Variants in ARHGEF3 observed in about 807,000 individuals in gnomAD.
The protein encoded by ARHGEF3 is 59.8 kDA protein.
ARHGEF3 carries 28 observed loss-of-function variants against 63.2 expected under a neutral mutation model. The ratio of observed to expected loss-of-function variants is 0.44; its 90% CI spans 0.33 to 0.61. The LOEUF (loss-of-function observed/expected upper bound fraction) is 0.61, where lower values mean the gene tolerates loss of function less well. ARHGEF3 is among the 20% of genes least tolerant of loss of function. The pLI, the probability that ARHGEF3 is intolerant of heterozygous loss-of-function variation, is 0.03. For missense variants in ARHGEF3, 533 were observed against 659.3 expected, an observed-to-expected ratio of 0.81 and a Z score of 2.10; for synonymous variants, 266 against 254.2, an observed-to-expected ratio of 1.05 and a Z score of -0.44.
chr3:57,052,061 T>A (rs889605179), intron 1 of ARHGEF3, among the ~76,000 whole-genome samples: 7 of 152,188 alleles, frequency 4.6e-5, no homozygotes, highest in Admixed American at 3.3e-4. Flanking sequence ...ATGGTAATTA[T>A]CACACTAAAG....
At chr3:56,945,633 G>A (rs561061574) in intron 3 of ARHGEF3, among the ~76,000 whole-genome samples, 1 of 152,356 alleles carries the variant, frequency 6.6e-6, no homozygotes, top group East Asian at 1.9e-4. Flanking sequence ...CAGCCAGGAA[G>A]CTCGAACTGG....
chr3:56,989,922 A>G (rs1701685570), intron 2 of ARHGEF3, among the ~76,000 whole-genome samples: 2 of 152,218 alleles, frequency 1.3e-5, no homozygotes, highest in Non-Finnish European at 2.9e-5. Context: ...CCAAAGGTCC[A>G]CTAACTGCCA....
chr3:56,832,337 T>C (rs1161524825), intron 4 of ARHGEF3, among the ~76,000 whole-genome samples: 1 of 152,232 alleles, frequency 6.6e-6, no homozygotes, highest in Non-Finnish European at 1.5e-5. Context: ...TTAAAAAATA[T>C]ATGTAAGTAG....
chr3:57,076,450 T>TG (rs1015268780), intron 1 of ARHGEF3, among the ~76,000 whole-genome samples: 1 of 152,128 alleles, frequency 6.6e-6, no homozygotes, highest in African/African-American at 2.4e-5. Flanking sequence ...AATGATAGCA[T>TG]GCAGGAGGCC....
chr3:56,788,172 G>A (rs2036914788), intron 1 of ARHGEF3, among the ~76,000 whole-genome samples: 1 of 152,150 alleles, frequency 6.6e-6, no homozygotes, highest in South Asian at 2.1e-4. Flanking sequence ...CCCAGAAGAT[G>A]CTGCCCTCTG....
At chr3:56,939,635 T>C (rs1488517323) in intron 3 of ARHGEF3, among the ~76,000 whole-genome samples, 2 of 152,158 alleles carry the variant, frequency 1.3e-5, no homozygotes, top group Non-Finnish European at 2.9e-5. Flanking sequence ...TCTTGCTGAA[T>C]AGCTTGCCAA....
Position 57,044,803 on chromosome 3 carries a change from C to T in ARHGEF3, c.-27-9627G>A, listed in dbSNP as rs763718100. On this transcript the variant is annotated intron_variant, in intron 1 of 12. Transcript: ENST00000338458. ...CGAGGCTTGGTGGGGATACCACAAG[C>T]GGTCAACCCCTGCCTGGTTCCAGGA... 1.1e-4 allele frequency among the ~76,000 whole-genome samples: 16 copies of T among 152,288 alleles called. 1 individual carries two copies. Among genetic ancestry groups the T allele is most frequent in the East Asian group, 5.8e-4 (3 of 5,184 alleles).
intron 7 of ARHGEF3, among the ~76,000 whole-genome samples, chr3:56,740,259 C>T (rs2033928217): frequency 7.7e-6 from 1 of 129,624 alleles, no homozygotes; most frequent in Admixed American, 8.3e-5. Context: ...GTAGCACTCA[C>T]TACTTTGATT....
chr3:57,065,759 C>CG (rs1443833355), intron 1 of ARHGEF3, among the ~76,000 whole-genome samples: 2 of 152,150 alleles, frequency 1.3e-5, no homozygotes, highest in African/African-American at 4.8e-5. Context: ...TGGTAGCCTG[C>CG]GGAACAGGAG....
At chr3:56,740,623 C>G (rs1270562898) in intron 7 of ARHGEF3, among the ~76,000 whole-genome samples, 4 of 152,186 alleles carry the variant, frequency 2.6e-5, no homozygotes, top group African/African-American at 9.7e-5. Context: ...TTCCTGCCTT[C>G]AAGAAGCTTA....
At chr3:56,808,991 A>C (rs2037968598) in intron 4 of ARHGEF3, among the ~76,000 whole-genome samples, 1 of 152,220 alleles carries the variant, frequency 6.6e-6, no homozygotes, top group African/African-American at 2.4e-5. Flanking sequence ...TATTGGAGCC[A>C]AGGGAATCTG....
rs866830429 is a variant in ARHGEF3, at chr3:56,958,341, T to A, written c.129+482A>T. 5.4e-3 allele frequency among the ~76,000 whole-genome samples: 795 copies of A among 146,410 alleles called. 7 individuals carry two copies. Among genetic ancestry groups the A allele is most frequent in the African/African-American group, 0.019 (745 of 38,966 alleles). ...TGAATTTTTTTTTTTTTTTTTTTTT[T>A]AATTTTAGACAGAGTCTCGTTCTGT... On this transcript the variant is annotated intron_variant, in intron 3 of 12. Transcript: ENST00000338458.
chr3:56,923,759 TTTG>T (rs1274715998), intron 3 of ARHGEF3, among the ~76,000 whole-genome samples: 6 of 152,192 alleles, frequency 3.9e-5, no homozygotes, highest in African/African-American at 1.4e-4. Flanking sequence ...GGTTTTTTGT[TTTG>T]TTATGTTTTG....
At position 56,749,563 on chromosome 3, in the gene ARHGEF3, C is replaced by T. The variant is rs116178305; in HGVS notation, c.612+1493G>A. ...TCAGGAAGTTTAAGAGACACTGAGGCACTCTCTACTCATTATACCTTCTTT... is the reference window on the plus strand; with the variant it reads ...TCAGGAAGTTTAAGAGACACTGAGGTACTCTCTACTCATTATACCTTCTTT... On this transcript the variant is annotated intron_variant, in intron 6 of 9. Coordinates refer to ENST00000296315, the MANE Select transcript of ARHGEF3 (RefSeq NM_019555.3). 4.8e-3 allele frequency among the ~76,000 whole-genome samples: 727 copies of T among 152,276 alleles called. 1 individual carries two copies. The highest frequency in any genetic ancestry group is 0.016 in the African/African-American group (679 of 41,556).
chr3:56,895,194 C>T (rs902806677), intron 3 of ARHGEF3, among the ~76,000 whole-genome samples: 5 of 152,094 alleles, frequency 3.3e-5, no homozygotes, highest in South Asian at 2.1e-4. Context: ...TCTTTCCAGG[C>T]GCTGCATCAG....
rs1704245158 is a variant in ARHGEF3 at position 57,042,671 on chromosome 3, TATATATATATATATA to T, written c.-27-7510_-27-7496del. Among the ~76,000 whole-genome samples the T allele has an allele frequency of 2.2e-3, 49 of 22,630 alleles. 2 individuals are homozygous for T. The highest frequency in any genetic ancestry group is 4.4e-3 in the East Asian group (1 of 228). 14.8% of individuals were successfully genotyped at this position (22,630 alleles called of 152,430 possible). A position where few individuals can be genotyped will look rare whatever the true frequency, so the allele number is the denominator to read the frequency against. ...ACATAAATATATATATATATATATATATATATATATATATATATATATATATATATTTTTTTTTTT... is the reference window on the plus strand; with the variant it reads ...ACATAAATATATATATATATATATATTATATATATATATATTTTTTTTTTT... On this transcript the variant is annotated intron_variant, in intron 1 of 12. Coordinates refer to the ARHGEF3 transcript ENST00000338458.
intron 2 of ARHGEF3, among the ~76,000 whole-genome samples, chr3:57,000,310 C>CACACACACAAACA (rs1560120499): frequency 7.2e-6 from 1 of 139,164 alleles, no homozygotes; most frequent in African/African-American, 2.8e-5. Flanking sequence ...AGGGTAACTC[C>CACACACACAAACA]CACACACACA....
At chr3:56,799,448 GATCT>G (rs1427231347) in intron 1 of ARHGEF3, among the ~76,000 whole-genome samples, 1 of 152,138 alleles carries the variant, frequency 6.6e-6, no homozygotes, top group Non-Finnish European at 1.5e-5. Flanking sequence ...CCTCTGGATA[GATCT>G]ATTTTTCTTT....
intron 2 of ARHGEF3, among the ~76,000 whole-genome samples, chr3:56,965,850 G>A (rs551389237): frequency 2.4e-4 from 37 of 151,856 alleles, no homozygotes; most frequent in African/African-American, 7.7e-4. Flanking sequence ...TGGTTTCACC[G>A]TGTTAGCCAG....
Sources: allele counts gnomAD v4.1 joint callset (sites outside exome capture counted in the v4.1 genomes callset), GRCh38; gene constraint gnomAD v4.1.1; transcripts MANE v1.5; gene names NCBI Gene and HGNC (gene_info 2026-07-23, HGNC 2026-07-21).